The following GPCPD1 variants were observed in gnomAD, a reference collection of about 807,000 sequenced individuals.
GPCPD1 encodes the protein glycerophosphocholine phosphodiesterase GPCPD1.
Under a neutral mutation model 89.2 loss-of-function variants are expected in GPCPD1, and 29 were observed. The ratio of observed to expected loss-of-function variants is 0.33; its 90% confidence interval spans 0.24 to 0.44. The LOEUF is 0.44. GPCPD1 is among the 20% of genes least tolerant of loss of function. The pLI, the probability that GPCPD1 is intolerant of heterozygous loss-of-function variation, is 1.00. For synonymous variants in GPCPD1, 258 were observed against 266.3 expected (o/e 0.97, Z 0.30); for missense variants, 594 against 808.9 (o/e 0.73, Z 3.22).
Position 5,604,358 on chromosome 20 carries a change from C to T in GPCPD1, c.49+6G>A. The T allele has an allele frequency of 7.2e-7, 1 of 1,385,928 alleles. No individual in the cohort carries two copies. Among genetic ancestry groups the T allele is most frequent in the South Asian group, 1.2e-5 (1 of 84,152 alleles). 85.9% of individuals were successfully genotyped at this position (1,385,928 alleles called of 1,614,324 possible). ...TAATTGTTTTAAAGTAAAACTTTTA[C>T]AATACCTGGTAAAAGAGTTCCTCTT... On this transcript the variant is annotated splice_donor_region_variant and intron_variant, in intron 2 of 19. Coordinates refer to ENST00000379019, the MANE Select transcript of GPCPD1 (RefSeq NM_019593.5).
intron 2 of GPCPD1, among the ~76,000 whole-genome samples, chr20:5,604,162 A>G (rs1980382304): frequency 1.3e-5 from 2 of 152,160 alleles, no homozygotes; most frequent in African/African-American, 4.8e-5. Flanking sequence ...TCTTGGGAAA[A>G]CATGAGAACA....
In GPCPD1 at chr20:5,593,365, G is replaced by C; in HGVS notation, c.193C>G (p.Gln65Glu). ...TIVLSRGVSV[Q>E]YRYFKGYFLE... ...AAGTACCCTTTGAAGTAGCGATACTGAACTGATACTCCTCTACTGAGTACA... is the reference window on the plus strand; with the variant it reads ...AAGTACCCTTTGAAGTAGCGATACTCAACTGATACTCCTCTACTGAGTACA... The change falls in exon 4 of 20, where the codon CAG (glutamine) becomes GAG (glutamate). Residue 65 changes from glutamine to glutamate, a missense_variant. By Grantham distance (29) the Gln-to-Glu change is conservative. Transcript: ENST00000379019. The C allele has an allele frequency of 6.3e-7, 1 of 1,597,950 alleles. No homozygotes were observed. Among genetic ancestry groups the C allele is most frequent in the South Asian group, 1.1e-5 (1 of 90,680 alleles).
chr20:5,603,245 A>G (rs927770779), intron 2 of GPCPD1, among the ~76,000 whole-genome samples: 1 of 152,170 alleles, frequency 6.6e-6, no homozygotes, highest in Non-Finnish European at 1.5e-5. Context: ...GTGAGCTGGG[A>G]TCGCATCACT....
chr20:5,567,981 A>C (rs1181590963), intron 12 of GPCPD1: 1 of 153,028 alleles, frequency 6.5e-6, no homozygotes. Context: ...GTAAGTTTCT[A>C]ATCTTTTCGA....
At position 5,575,554 on chromosome 20, in the gene GPCPD1, G is replaced by A; in HGVS notation, c.869-9C>T. ...AATAATTATATAGTCAACTTTCATAGGAAAAAAGAGGGAGGAACAAAAATA... is the reference window on the plus strand; with the variant it reads ...AATAATTATATAGTCAACTTTCATAAGAAAAAAGAGGGAGGAACAAAAATA... On this transcript the variant is annotated splice_polypyrimidine_tract_variant and intron_variant, in intron 9 of 19. Coordinates refer to ENST00000379019, the MANE Select transcript of GPCPD1 (RefSeq NM_019593.5). The A allele has an allele frequency of 6.5e-7, 1 of 1,530,776 alleles. No individual in the cohort carries two copies. The highest frequency in any genetic ancestry group is 9.0e-7 in the Non-Finnish European group (1 of 1,116,798). 94.8% of individuals were successfully genotyped at this position (1,530,776 alleles called of 1,614,324 possible).
chr20:5,567,334 C>T, intron 13 of GPCPD1, 149 bp downstream of exon 13: 1 of 953,794 alleles, frequency 1.0e-6, no homozygotes, highest in South Asian at 2.4e-5. Flanking sequence ...CAGAACCCTT[C>T]TCCCAAACAG....
At position 5,579,854 on chromosome 20, in the gene GPCPD1, G is replaced by A. The variant is rs565743679; in HGVS notation, c.473+154C>T. The stretch of plus-strand genomic sequence containing the variant: ...TAACTGCAACAGTAGCAATCTGAGC[G>A]GGGATAAGTAGTTCACTATTACAAA... On this transcript the variant is annotated intron_variant, in intron 7 of 19. Coordinates refer to ENST00000379019, the MANE Select transcript of GPCPD1 (RefSeq NM_019593.5). Among the ~76,000 whole-genome samples the A allele has an allele frequency of 3.3e-5, 5 of 152,272 alleles. No individual in the cohort carries two copies. The South Asian group carries it at 8.3e-4, about 25-fold the overall frequency.
intron 15 of GPCPD1, among the ~76,000 whole-genome samples, chr20:5,562,281 G>T (rs996476707): frequency 6.6e-6 from 1 of 152,048 alleles, no homozygotes; most frequent in African/African-American, 2.4e-5. Flanking sequence ...CAGAGATTAT[G>T]TTATATTATT....
At chr20:5,585,339 C>G (rs1285827857) in intron 5 of GPCPD1, 1 of 151,942 alleles carries the variant, frequency 6.6e-6, no homozygotes, top group South Asian at 2.1e-4. Flanking sequence ...TGTCCTTACT[C>G]CAGGATAAAG....
intron 4 of GPCPD1, among the ~76,000 whole-genome samples, chr20:5,592,251 T>G (rs1979378351): frequency 6.6e-6 from 1 of 152,198 alleles, no homozygotes; most frequent in African/African-American, 2.4e-5. Context: ...TACACACAAT[T>G]GCTTAAGTTA....
chr20:5,596,309 C>G (rs1412839253), intron 3 of GPCPD1, among the ~76,000 whole-genome samples: 1 of 151,932 alleles, frequency 6.6e-6, no homozygotes, highest in African/African-American at 2.4e-5. Context: ...GGAAGATCAC[C>G]GGAGCCCAGG....
chr20:5,608,337 GCAT>G (rs1357092473), intron 1 of GPCPD1, among the ~76,000 whole-genome samples: 1 of 152,004 alleles, frequency 6.6e-6, no homozygotes, highest in African/African-American at 2.4e-5. Context: ...AGTCAACAAA[GCAT>G]CATCTTCCAC....
intron 15 of GPCPD1, among the ~76,000 whole-genome samples, chr20:5,563,359 G>A (rs183255196): frequency 9.3e-4 from 142 of 152,222 alleles, no homozygotes; most frequent in African/African-American, 3.3e-3. Context: ...TGACTAAAAG[G>A]CTGTCAAACC....
intron 4 of GPCPD1, among the ~76,000 whole-genome samples, chr20:5,587,893 A>C (rs1177313037): frequency 6.6e-6 from 1 of 152,220 alleles, no homozygotes; most frequent in African/African-American, 2.4e-5. Context: ...TTCTTTTCTG[A>C]AATCCTCAAA....
chr20:5,570,271 T>C (rs766148339), intron 11 of GPCPD1, 32 bp from the exon 12 acceptor site: 4 of 1,124,512 alleles, frequency 3.6e-6, no homozygotes, highest in East Asian at 4.7e-5. Flanking sequence ...TTGAAAAACA[T>C]TGCCTGGTAC....
At chr20:5,566,843 T>C in intron 13 of GPCPD1, 71 bp from the exon 14 acceptor site, 1 of 952,194 alleles carries the variant, frequency 1.1e-6, no homozygotes, top group African/African-American at 1.6e-5. Context: ...TAACAGAAAA[T>C]ATCCTGAAAA....
At chr20:5,586,442 T>A (rs921071172) in intron 4 of GPCPD1, among the ~76,000 whole-genome samples, 173 bp from the exon 5 acceptor site, 6 of 152,120 alleles carry the variant, frequency 3.9e-5, no homozygotes, top group African/African-American at 1.4e-4. Flanking sequence ...CAAAACAAGA[T>A]GAAATGCTGG....
intron 17 of GPCPD1, among the ~76,000 whole-genome samples, chr20:5,559,705 AC>A (rs1159330902): frequency 7.2e-5 from 11 of 152,316 alleles, no homozygotes; most frequent in African/African-American, 2.6e-4. Flanking sequence ...GGAGTATATG[AC>A]CTGCCTGTAA....
At chr20:5,607,926 C>T (rs1329299950) in intron 1 of GPCPD1, among the ~76,000 whole-genome samples, 1 of 152,090 alleles carries the variant, frequency 6.6e-6, no homozygotes, top group Non-Finnish European at 1.5e-5. Context: ...TCAGTCTTAA[C>T]CTTAACCAAA....
Sources: allele counts gnomAD v4.1 joint callset (sites outside exome capture counted in the v4.1 genomes callset), GRCh38; gene constraint gnomAD v4.1.1; transcripts MANE v1.5; gene names NCBI Gene and HGNC (gene_info 2026-07-23, HGNC 2026-07-21).